The following CYB5A variants were observed in gnomAD, a reference collection of about 807,000 sequenced individuals.
CYB5A encodes the protein cytochrome b5 type A, also known as cytochrome b5.
A neutral mutation model predicts 16.2 loss-of-function variants in CYB5A; 10 were observed. The observed-to-expected ratio is 0.62, with a 90% confidence interval of 0.38 to 1.04. The LOEUF (loss-of-function observed/expected upper bound fraction) is 1.04, where lower values mean the gene tolerates loss of function less well. Among genes scored for constraint, CYB5A ranks in the 50% least tolerant of loss-of-function variants. CYB5A has a pLI of 0.01. For synonymous variants in CYB5A, 62 were observed against 57.0 expected, an observed-to-expected ratio of 1.09 and a Z score of -0.40; for missense variants, 161 against 165.9, an observed-to-expected ratio of 0.97 and a Z score of 0.16.
chr18:74,263,146 C>CAAA (rs374767854), intron 2 of CYB5A, among the ~76,000 whole-genome samples: 6 of 85,836 alleles, frequency 7.0e-5, no homozygotes, highest in African/African-American at 2.2e-4. Context: ...AGACCTGTCT[C>CAAA]AAAAAAAAAA....
rs886857182 is a variant in CYB5A, at chr18:74,275,469, G to A, written c.130-11992C>T. The stretch of plus-strand genomic sequence containing the variant: ...CCCCAGGACAGGCCGAGAAGGGAGC[G>A]GGATGCAGTTATCACACAGCTCTGG... On this transcript the variant is annotated intron_variant, in intron 1 of 4. Coordinates refer to ENST00000340533, the MANE Select transcript of CYB5A (RefSeq NM_148923.4). 2.6e-5 allele frequency among the ~76,000 whole-genome samples: 4 copies of A among 152,068 alleles called. No homozygotes were observed. The East Asian group carries it at 7.7e-4, about 29-fold the overall frequency.
chr18:74,254,573 G>A (rs1054638061), intron 4 of CYB5A, among the ~76,000 whole-genome samples: 2 of 151,128 alleles, frequency 1.3e-5, no homozygotes, highest in Non-Finnish European at 2.9e-5. Context: ...AGGCTGGAGT[G>A]CAGTGGCACG....
chr18:74,291,951 A>C lies in CYB5A; in HGVS notation c.-76T>G. ...CAGAGCGCGCGACTCAGCCAGCTCC[A>C]CCCGGGACATTCCCCGCGCCGGGAA... On this transcript the variant is annotated 5_prime_UTR_variant, in exon 1 of 5. Transcript: ENST00000340533. 4 of 1,597,984 alleles carry C rather than the reference A, an allele frequency of 2.5e-6. No homozygotes were observed. The highest frequency in any genetic ancestry group is 1.7e-6 in the Non-Finnish European group (2 of 1,177,762).
At chr18:74,255,098 T>C (rs898408497) in intron 4 of CYB5A, among the ~76,000 whole-genome samples, 4 of 152,198 alleles carry the variant, frequency 2.6e-5, no homozygotes, top group Admixed American at 2.0e-4. Flanking sequence ...AAATACTGCC[T>C]GCAGGCAGGG....
At position 74,253,643 on chromosome 18, in the gene CYB5A, G is replaced by A. The variant is rs754160820; in HGVS notation, c.346C>T (p.Pro116Ser). 2 of 1,613,170 alleles carry A rather than the reference G, an allele frequency of 1.2e-6. No homozygotes were observed. The highest frequency in any genetic ancestry group is 1.7e-4 in the Middle Eastern group (1 of 6,058). Residue 116 changes from proline (P) to serine (S), a missense_variant, in exon 5 of 5, where the codon CCT (proline) becomes TCT (serine). By Grantham distance (74) the Pro-to-Ser change is moderately conservative. Coordinates refer to ENST00000340533, the MANE Select transcript of CYB5A (RefSeq NM_148923.4). ...SSSWWTNWVI[P>S]AISAVAVALM... is the part of the protein sequence containing the mutation. The stretch of plus-strand genomic sequence containing the variant: ...GCGACGGCCACTGCAGAGATGGCAG[G>A]GATCACCCAGTTGGTCCACCAACTA...
chr18:74,288,469 TGA>T (rs1434034019), intron 1 of CYB5A, among the ~76,000 whole-genome samples: 1 of 152,098 alleles, frequency 6.6e-6, no homozygotes, highest in Admixed American at 6.6e-5. Context: ...GTAAATTAGG[TGA>T]GATAAAATAT....
At chr18:74,283,705 C>CT (rs1353066948) in intron 1 of CYB5A, among the ~76,000 whole-genome samples, 1 of 152,178 alleles carries the variant, frequency 6.6e-6, no homozygotes, top group Non-Finnish European at 1.5e-5. Flanking sequence ...TGCACTTTTG[C>CT]TTTTAAAGCT....
intron 1 of CYB5A, among the ~76,000 whole-genome samples, chr18:74,273,998 T>C (rs756230550): frequency 9.2e-5 from 14 of 152,206 alleles, no homozygotes; most frequent in South Asian, 8.3e-4. Flanking sequence ...CTTCTTCATT[T>C]GCACGCCATT....
At chr18:74,279,255 C>T (rs994368649) in intron 1 of CYB5A, among the ~76,000 whole-genome samples, 2 of 152,214 alleles carry the variant, frequency 1.3e-5, no homozygotes, top group South Asian at 2.1e-4. Flanking sequence ...AGGCCGGGCG[C>T]GGTGGCTCAC....
In CYB5A at chr18:74,273,445, A is replaced by G. The variant is rs192861042; in HGVS notation, c.130-9968T>C. ...AAATATCCATAATGAATTAAGCACT[A>G]TTTACAGTCCTTTAGACAATGCTAA... On this transcript the variant is annotated intron_variant, in intron 1 of 4. Transcript: ENST00000340533. Among the ~76,000 whole-genome samples, 15 of 152,342 alleles carry G rather than the reference A, an allele frequency of 9.8e-5. No individual in the cohort carries two copies. The East Asian group carries it at 2.9e-3, about 29-fold the overall frequency.
chr18:74,271,239 A>G lies in CYB5A; in HGVS notation c.130-7762T>C, dbSNP rs929353235. Among the ~76,000 whole-genome samples the G allele has an allele frequency of 1.8e-4, 27 of 152,224 alleles. 1 individual carries two copies. Among genetic ancestry groups the G allele is most frequent in the Non-Finnish European group, 4.4e-5 (3 of 68,040 alleles). ...GTGATCCAATCTTGAAGAAGCATAC[A>G]GTTCATTTGGGGATAAAGAAATAGC... On this transcript the variant is annotated intron_variant, in intron 1 of 4. Transcript: ENST00000340533.
intron 1 of CYB5A, among the ~76,000 whole-genome samples, chr18:74,278,029 C>T (rs1982948397): frequency 1.3e-5 from 2 of 152,228 alleles, no homozygotes; most frequent in South Asian, 4.1e-4. Context: ...TGATGAATAT[C>T]AGTGGGTAAC....
At chr18:74,273,725 T>C (rs563805139) in intron 1 of CYB5A, among the ~76,000 whole-genome samples, 3 of 152,360 alleles carry the variant, frequency 2.0e-5, no homozygotes, top group Admixed American at 6.5e-5. Flanking sequence ...CCTGGGATTC[T>C]TCCTGCAGGA....
intron 1 of CYB5A, among the ~76,000 whole-genome samples, chr18:74,291,400 G>T (rs150905559): frequency 7.2e-5 from 8 of 111,246 alleles, no homozygotes; most frequent in Admixed American, 8.6e-5. Context: ...AGGTGTACAC[G>T]CGCAGGTGTG....
rs754878118 is a variant in CYB5A at position 74,291,869 on chromosome 18, C to G, written c.7G>C (p.Glu3Gln). The G allele has an allele frequency of 9.9e-6, 16 of 1,612,798 alleles. No homozygotes were observed. In the East Asian group the frequency reaches 3.6e-4, roughly 36 times the overall value. The change falls in exon 1 of 5, where the codon GAG (glutamate) becomes CAG (glutamine). Residue 3 changes from glutamate (E) to glutamine (Q), a missense_variant. Glu to Gln is a conservative substitution (Grantham distance 29). Transcript: ENST00000340533. The stretch of plus-strand genomic sequence containing the variant: ...TACTTCACGGCCTCGTCCGACTGCT[C>G]TGCCATCTCGGTTCGCCGCGAGCCA... MA[E>Q]QSDEAVKYYT...
chr18:74,268,419 G>C (rs1982533598), intron 1 of CYB5A, among the ~76,000 whole-genome samples: 1 of 152,186 alleles, frequency 6.6e-6, no homozygotes, highest in South Asian at 2.1e-4. Context: ...CAGGGTAGGA[G>C]AAAGGGCCAG....
intron 1 of CYB5A, 119 bp downstream of exon 1, chr18:74,291,627 TC>T: frequency 6.8e-7 from 1 of 1,468,718 alleles, no homozygotes; most frequent in Non-Finnish European, 9.3e-7. Flanking sequence ...GTGAGCGAAC[TC>T]GGGGGGCGCG....
At position 74,251,211 on chromosome 18, in the gene CYB5A, G is replaced by A. The variant is rs901706406; in HGVS notation, c.*2373C>T. 6.6e-6 allele frequency: 1 copy of A among 152,084 alleles called. No individual in the cohort carries two copies. The highest frequency in any genetic ancestry group is 2.4e-5 in the African/African-American group (1 of 41,314). The allele number at this position is 152,084 out of a possible 1,614,324, so 9.4% of individuals were successfully genotyped here. A position where few individuals can be genotyped will look rare whatever the true frequency, so the allele number is the denominator to read the frequency against. On this transcript the variant is annotated 3_prime_UTR_variant, in exon 5 of 5. Transcript: ENST00000340533. The stretch of plus-strand genomic sequence containing the variant: ...AAAAAAGAAAGTTTACTTTGCCAAG[G>A]TTGAGGACATGCCCGTGACAAAGCA...
chr18:74,259,816 T>C (rs1982127161), intron 3 of CYB5A: 1 of 152,168 alleles, frequency 6.6e-6, no homozygotes, highest in South Asian at 2.1e-4. Context: ...TAAAGTCAAA[T>C]GAACTCACAG....
Sources: allele counts gnomAD v4.1 joint callset (sites outside exome capture counted in the v4.1 genomes callset), GRCh38; gene constraint gnomAD v4.1.1; transcripts MANE v1.5; gene names NCBI Gene and HGNC (gene_info 2026-07-23, HGNC 2026-07-21).